The following IRAG2 variants were observed in gnomAD, a reference collection of about 807,000 sequenced individuals.
IRAG2 encodes the protein inositol 1,4,5-triphosphate receptor associated 2, also known as lymphoid restricted membrane protein.
A neutral mutation model predicts 69.9 loss-of-function variants in IRAG2; 45 were observed. The ratio of observed to expected loss-of-function variants is 0.64; its 90% confidence interval spans 0.51 to 0.83. The LOEUF (loss-of-function observed/expected upper bound fraction) is 0.83, where lower values mean the gene tolerates loss of function less well. Among genes scored for constraint, IRAG2 ranks in the 40% least tolerant of loss-of-function variants. The pLI is 0.00. For missense variants in IRAG2, 520 were observed against 587.0 expected (o/e 0.89, Z 1.18); for synonymous variants, 193 against 202.4 (o/e 0.95, Z 0.40).
intron 16 of IRAG2, among the ~76,000 whole-genome samples, chr12:25,039,456 A>C (rs1466260538): frequency 6.6e-6 from 1 of 152,186 alleles, no homozygotes; most frequent in East Asian, 1.9e-4. Context: ...TTTGAGACGA[A>C]GTCTCGCTCT....
intron 16 of IRAG2, 39 bp downstream of exon 16, chr12:25,101,364 T>G (rs1396309366): frequency 7.0e-7 from 1 of 1,438,466 alleles, no homozygotes; most frequent in Non-Finnish European, 9.4e-7. Context: ...GTTGTGTTTT[T>G]CTACATTCTC....
At chr12:25,065,168 C>T (rs1188506753) in intron 4 of IRAG2, among the ~76,000 whole-genome samples, 2 of 151,876 alleles carry the variant, frequency 1.3e-5, no homozygotes, top group Non-Finnish European at 2.9e-5. Flanking sequence ...TCTATTAACT[C>T]ATTTAATCCT....
chr12:25,042,908 C>G (rs1430847657), intron 16 of IRAG2, among the ~76,000 whole-genome samples: 1 of 151,256 alleles, frequency 6.6e-6, no homozygotes, highest in Non-Finnish European at 1.5e-5. Context: ...TCCTTAAAGT[C>G]CTTTTGCTTT....
chr12:25,016,089 G>T (rs1944525362), intron 5 of IRAG2, among the ~76,000 whole-genome samples: 1 of 152,056 alleles, frequency 6.6e-6, no homozygotes. Flanking sequence ...CCAGCTACTT[G>T]GGAGGCTGAG....
At chr12:25,020,717 C>A in intron 6 of IRAG2, 3 of 661,838 alleles carry the variant, frequency 4.5e-6, no homozygotes, top group Non-Finnish European at 6.4e-6. Flanking sequence ...CAAAATAGTC[C>A]TTGGCTGTTC....
intron 16 of IRAG2, among the ~76,000 whole-genome samples, chr12:25,039,790 G>A (rs1035600515): frequency 6.6e-6 from 1 of 151,964 alleles, no homozygotes; most frequent in Non-Finnish European, 1.5e-5. Context: ...ATGTCATCTC[G>A]AAATGAGTGA....
chr12:25,032,492 TATTTTTCTCC>T (rs1944675645), intron 12 of IRAG2: 1 of 397,466 alleles, frequency 2.5e-6, no homozygotes, highest in Admixed American at 4.4e-5. Flanking sequence ...ATATTTTCTC[TATTTTTCTCC>T]ATGAGAACTT....
intron 14 of IRAG2, among the ~76,000 whole-genome samples, chr12:25,096,453 A>G (rs147209306): frequency 2.0e-5 from 3 of 152,352 alleles, no homozygotes; most frequent in Middle Eastern, 3.4e-3. Context: ...AGGAAAATTC[A>G]TAAGGCAATG....
intron 6 of IRAG2, among the ~76,000 whole-genome samples, chr12:25,018,009 C>G (rs1023566452): frequency 6.6e-6 from 1 of 152,134 alleles, no homozygotes; most frequent in Admixed American, 6.5e-5. Flanking sequence ...CATGTTGTAG[C>G]GTGTATTTCT....
intron 1 of IRAG2, among the ~76,000 whole-genome samples, chr12:25,053,512 GAA>G (rs1944999145): frequency 6.6e-6 from 1 of 151,778 alleles, no homozygotes; most frequent in African/African-American, 2.4e-5. Flanking sequence ...TTAAAAATTG[GAA>G]TATTTGTCAT....
At chr12:25,044,083 A>T (rs917498724) in intron 16 of IRAG2, among the ~76,000 whole-genome samples, 4 of 152,210 alleles carry the variant, frequency 2.6e-5, no homozygotes, top group African/African-American at 9.6e-5. Context: ...AAAAATAACT[A>T]TAAAAATGTT....
At chr12:25,002,971 A>G (rs1415710138), upstream of IRAG2, among the ~76,000 whole-genome samples, 1 of 152,170 alleles carries the variant, frequency 6.6e-6, no homozygotes, top group Non-Finnish European at 1.5e-5. Context: ...GAGGGAAAGA[A>G]GGGTATTGTC....
rs756672179 is a variant in IRAG2 at position 25,107,958 on chromosome 12, T to C, written c.1398T>C (p.Ser466=). ...TCACAGGCCAATTATTCCAGAAGTC[T>C]GTGGATGCCGCTCCCACACAGCAAG... ...SFLTGQLFQK[S]VDAAPTQQED... is the part of the protein sequence containing the mutation. Residue 466 remains serine (S), a synonymous_variant, in exon 22 of 22, where the codon TCT becomes TCC. Transcript: ENST00000556887. The C allele has an allele frequency of 2.3e-5, 37 of 1,614,108 alleles. No homozygotes were observed. The highest frequency in any genetic ancestry group is 3.3e-4 in the Middle Eastern group (2 of 6,084).
At chr12:25,001,622 G>T (rs1944391588), upstream of IRAG2, among the ~76,000 whole-genome samples, 1 of 152,148 alleles carries the variant, frequency 6.6e-6, no homozygotes, top group Non-Finnish European at 1.5e-5. Context: ...TTCAGTGACA[G>T]GAGGGGACAG....
chr12:25,034,843 T>A (rs1944692214), intron 13 of IRAG2, among the ~76,000 whole-genome samples: 1 of 152,196 alleles, frequency 6.6e-6, no homozygotes, highest in Non-Finnish European at 1.5e-5. Flanking sequence ...TGAAGCCATC[T>A]CCGGCAGCCC....
intron 3 of IRAG2, chr12:25,015,114 A>AAAT: frequency 8.5e-6 from 3 of 351,110 alleles, no homozygotes; most frequent in Non-Finnish European, 1.2e-5. Flanking sequence ...AAAAAAAAAG[A>AAAT]CAAAACTTGG....
upstream of IRAG2, among the ~76,000 whole-genome samples, chr12:25,049,162 T>C (rs1230629705): frequency 6.6e-6 from 1 of 152,246 alleles, no homozygotes; most frequent in Non-Finnish European, 1.5e-5. Context: ...TAGTATAGTT[T>C]AAAGTCGGGT....
At chr12:24,999,499 G>C (rs1211674056), upstream of IRAG2, among the ~76,000 whole-genome samples, 2 of 152,124 alleles carry the variant, frequency 1.3e-5, no homozygotes, top group African/African-American at 4.8e-5. Context: ...CAATCAATAG[G>C]AGGAATAAAA....
At chr12:25,030,921 T>C in intron 10 of IRAG2, 4 of 647,348 alleles carry the variant, frequency 6.2e-6, no homozygotes, top group Non-Finnish European at 7.7e-6. Flanking sequence ...ATACCCAAAT[T>C]ATTTGAAACC....
Sources: allele counts gnomAD v4.1 joint callset (sites outside exome capture counted in the v4.1 genomes callset), GRCh38; gene constraint gnomAD v4.1.1; transcripts MANE v1.5; gene names NCBI Gene and HGNC (gene_info 2026-07-23, HGNC 2026-07-21).